PHACTR1: variants seen among roughly 807,000 people sequenced by gnomAD.
PHACTR1 encodes the protein phosphatase and actin regulator 1, also known as RPEL repeat containing 1.
Under a neutral mutation model 69.2 loss-of-function variants are expected in PHACTR1, and 16 were observed. The observed-to-expected ratio is 0.23, with a 90% confidence interval of 0.16 to 0.35. PHACTR1 has a LOEUF of 0.35. PHACTR1 is among the 10% of genes least tolerant of loss of function. PHACTR1 has a pLI of 1.00. For synonymous variants in PHACTR1, 312 were observed against 284.5 expected (o/e 1.10, Z -0.97); for missense variants, 510 against 734.7 (o/e 0.69, Z 3.54).
intron 4 of PHACTR1, among the ~76,000 whole-genome samples, chr6:12,788,877 C>T (rs1771875456): frequency 6.6e-6 from 1 of 152,032 alleles, no homozygotes; most frequent in South Asian, 2.1e-4. Context: ...GAAATAAATG[C>T]CAATGCAAAC....
At chr6:12,794,500 CTT>C (rs1772730053) in intron 4 of PHACTR1, among the ~76,000 whole-genome samples, 1 of 152,174 alleles carries the variant, frequency 6.6e-6, no homozygotes. Flanking sequence ...ATTCATGAAA[CTT>C]TACCTTTTTG....
At chr6:13,215,623 A>C (rs1045253722) in intron 8 of PHACTR1, among the ~76,000 whole-genome samples, 1 of 152,228 alleles carries the variant, frequency 6.6e-6, no homozygotes, top group Non-Finnish European at 1.5e-5. Context: ...CAGAGAGGAC[A>C]CTGAATATTT....
chr6:13,225,402 C>A (rs141633436), intron 8 of PHACTR1, among the ~76,000 whole-genome samples: 89 of 152,272 alleles, frequency 5.8e-4, no homozygotes, highest in African/African-American at 2.0e-3. Flanking sequence ...GCCACCTGAC[C>A]AATCCCTATT....
At chr6:13,029,523 T>G (rs983716712) in intron 4 of PHACTR1, among the ~76,000 whole-genome samples, 1 of 152,200 alleles carries the variant, frequency 6.6e-6, no homozygotes, top group Non-Finnish European at 1.5e-5. Flanking sequence ...ACTGCCATCA[T>G]TCAGCAGGCA....
At chr6:12,783,622 G>A (rs1321094318) in intron 4 of PHACTR1, among the ~76,000 whole-genome samples, 1 of 152,004 alleles carries the variant, frequency 6.6e-6, no homozygotes, top group East Asian at 1.9e-4. Context: ...AACCACAGCA[G>A]CTTCTGTAAC....
chr6:12,994,759 T>TA (rs1243547089), intron 4 of PHACTR1, among the ~76,000 whole-genome samples: 1 of 152,124 alleles, frequency 6.6e-6, no homozygotes, highest in African/African-American at 2.4e-5. Context: ...AACTTGGAGT[T>TA]AAATACCATA....
At chr6:13,100,338 A>G (rs1814945375) in intron 5 of PHACTR1, among the ~76,000 whole-genome samples, 1 of 152,198 alleles carries the variant, frequency 6.6e-6, no homozygotes, top group African/African-American at 2.4e-5. Flanking sequence ...TATTTGCAAA[A>G]AAGAACTATT....
intron 13 of PHACTR1, among the ~76,000 whole-genome samples, chr6:13,285,060 CTT>C (rs1299796488): frequency 3.9e-5 from 6 of 152,224 alleles, no homozygotes; most frequent in African/African-American, 1.2e-4. Context: ...GGCTTTCACT[CTT>C]GTCCTCTCCT....
intron 4 of PHACTR1, among the ~76,000 whole-genome samples, chr6:12,968,225 C>G (rs542110369): frequency 4.6e-5 from 7 of 152,294 alleles, no homozygotes; most frequent in Admixed American, 2.6e-4. Flanking sequence ...TCAGAGATAA[C>G]TTCTCTACTG....
At chr6:12,757,175 C>A (rs1767423500) in intron 4 of PHACTR1, among the ~76,000 whole-genome samples, 1 of 152,126 alleles carries the variant, frequency 6.6e-6, no homozygotes, top group Non-Finnish European at 1.5e-5. Context: ...GGGCTTTGAA[C>A]ACAGTTCTTC....
chr6:12,944,309 T>C (rs1285696101), intron 4 of PHACTR1, among the ~76,000 whole-genome samples: 1 of 152,180 alleles, frequency 6.6e-6, no homozygotes, highest in African/African-American at 2.4e-5. Flanking sequence ...TCTGCCCAAT[T>C]ACAATTTGGC....
chr6:13,044,357 C>T (rs1260271508), intron 4 of PHACTR1, among the ~76,000 whole-genome samples: 4 of 152,040 alleles, frequency 2.6e-5, no homozygotes, highest in Non-Finnish European at 2.9e-5. Flanking sequence ...AGTTTGTGAC[C>T]CCTACTTTGA....
At position 12,936,837 on chromosome 6, in the gene PHACTR1, G is replaced by A. The variant is rs116352799; in HGVS notation, c.251-116528G>A. On this transcript the variant is annotated intron_variant, in intron 4 of 14. Coordinates refer to ENST00000332995, the MANE Select transcript of PHACTR1 (RefSeq NM_030948.6). ...GGTAAGTCTTGAGTAACCCAAAACA[G>A]AACAAATTGGCTGCAGTTTCGAGGG... Among the ~76,000 whole-genome samples, 1,227 of 152,274 alleles carry A rather than the reference G, an allele frequency of 8.1e-3. 14 individuals are homozygous for A. Among genetic ancestry groups the A allele is most frequent in the Middle Eastern group, 0.024 (7 of 294 alleles).
chr6:13,160,020 A>C (rs56657564), intron 5 of PHACTR1, among the ~76,000 whole-genome samples, 184 bp from the exon 6 acceptor site: 3,808 of 152,330 alleles, frequency 0.025, 158 homozygotes, highest in African/African-American at 0.088. Flanking sequence ...CATCTGATTA[A>C]AAGGTTTATT....
At chr6:12,958,701 T>C (rs1302369876) in intron 4 of PHACTR1, among the ~76,000 whole-genome samples, 1 of 152,226 alleles carries the variant, frequency 6.6e-6, no homozygotes, top group Non-Finnish European at 1.5e-5. Context: ...TTATTTCTTT[T>C]TTATTGTTTG....
At chr6:13,231,084 GA>G (rs1562036960) in intron 10 of PHACTR1, among the ~76,000 whole-genome samples, 1 of 19,116 alleles carries the variant, frequency 5.2e-5, no homozygotes, top group Non-Finnish European at 7.7e-5. Context: ...AGGAAGGAAG[GA>G]AGAAGGAAGG....
intron 4 of PHACTR1, 122 bp downstream of exon 4, chr6:12,749,912 C>G: frequency 1.0e-6 from 1 of 959,062 alleles, no homozygotes; most frequent in Non-Finnish European, 1.5e-6. Context: ...GCTCAGCACT[C>G]GCGCTCTTTG....
chr6:12,763,372 T>C (rs1011547734), intron 4 of PHACTR1, among the ~76,000 whole-genome samples: 3 of 152,222 alleles, frequency 2.0e-5, no homozygotes, highest in South Asian at 2.1e-4. Flanking sequence ...ACTCACTTCA[T>C]TGGCCTCTGG....
chr6:13,247,326 C>CAT (rs71552738), intron 10 of PHACTR1, among the ~76,000 whole-genome samples: 1 of 138,998 alleles, frequency 7.2e-6, no homozygotes, highest in Admixed American at 7.2e-5. Flanking sequence ...CAAGTTCCCT[C>CAT]GTGTGTGTGT....
Sources: gnomAD v4.1 joint callset for allele counts (sites outside exome capture counted in the v4.1 genomes callset) on GRCh38, gnomAD v4.1.1 for gene constraint, MANE v1.5 for transcripts, NCBI Gene and HGNC (gene_info 2026-07-23, HGNC 2026-07-21) for gene names.